Variants in SRSF1 observed in about 807,000 individuals in gnomAD.
The protein encoded by SRSF1 is serine/arginine-rich splicing factor 1.
A neutral mutation model predicts 25.9 loss-of-function variants in SRSF1; 1 was observed. That is an observed-to-expected ratio of 0.04 (90% CI 0.01 to 0.18). The LOEUF (loss-of-function observed/expected upper bound fraction) is 0.18. Among genes scored for constraint, SRSF1 ranks in the 10% least tolerant of loss-of-function variants. The pLI is 1.00. For synonymous variants in SRSF1, 132 were observed against 126.2 expected (o/e 1.05, Z -0.31); for missense variants, 65 against 350.5 (o/e 0.19, Z 6.50).
At position 58,006,927 on chromosome 17, in the gene SRSF1, GC is replaced by G; in HGVS notation, c.194+16del. 6.2e-7 allele frequency: 1 copy of G among 1,613,662 alleles called. No individual in the cohort carries two copies. The highest frequency in any genetic ancestry group is 8.5e-7 in the Non-Finnish European group (1 of 1,179,644). On this transcript the variant is annotated intron_variant, in intron 1 of 3. Transcript: ENST00000258962. Reference sequence around the variant, plus strand: ...CGGACCTATTTCCTCAAGGCTGCAAGCCCCATGCCGCCTCACCGCGGGTCCT... The same window carrying G: ...CGGACCTATTTCCTCAAGGCTGCAAGCCCATGCCGCCTCACCGCGGGTCCT...
At position 58,005,639 on chromosome 17, in the gene SRSF1, C is replaced by T; in HGVS notation, c.553-39G>A. ...AGAACTTTCCATTGAAAGATCTAAG[C>T]TTTCATCTATCTTCAGACATGCTGA... On this transcript the variant is annotated intron_variant, in intron 3 of 3. Transcript: ENST00000258962. This position sits in a 1 kb window ranked among gnomAD's most constrained non-coding sequence, Gnocchi z 5.2. 1.2e-6 allele frequency: 2 copies of T among 1,611,384 alleles called. No individual in the cohort carries two copies. The highest frequency in any genetic ancestry group is 1.1e-5 in the South Asian group (1 of 90,986).
chr17:58,005,252 G>C lies in SRSF1; in HGVS notation c.*154C>G, dbSNP rs1363189872. 7 of 733,522 alleles carry C rather than the reference G, an allele frequency of 9.5e-6. No homozygotes were observed. Among genetic ancestry groups the C allele is most frequent in the Admixed American group, 5.6e-5 (2 of 35,824 alleles). 45.4% of individuals were successfully genotyped at this position (733,522 alleles called of 1,614,324 possible). A position where few individuals can be genotyped will look rare whatever the true frequency, so the allele number is the denominator to read the frequency against. On this transcript the variant is annotated 3_prime_UTR_variant, in exon 4 of 4. Transcript: ENST00000258962. The surrounding 1 kb of genome is among the most constrained non-coding windows in gnomAD (Gnocchi z 5.2). The stretch of plus-strand genomic sequence containing the variant: ...AATTTATCAAAGACACGAAGGGAAT[G>C]TAGATGTTAGGAGCAAGGGGATATT...
downstream of SRSF1, among the ~76,000 whole-genome samples, chr17:57,998,236 T>A (rs925027858): frequency 6.6e-6 from 1 of 152,134 alleles, no homozygotes; most frequent in Non-Finnish European, 1.5e-5. Context: ...AAAATGTGAA[T>A]GTCACTCTTG....
chr17:57,989,965 T>A, the SRSF1 span: 10 of 386,000 alleles, frequency 2.6e-5, no homozygotes, highest in African/African-American at 1.9e-4. Flanking sequence ...ATTCTTCTTA[T>A]TTTCATTCAG....
chr17:58,006,750 C>T, intron 1 of SRSF1, 194 bp downstream of exon 1: 1 of 880,098 alleles, frequency 1.1e-6, no homozygotes. Flanking sequence ...GAATGGGCTC[C>T]GGGGACGTCC....
At chr17:57,990,907 TG>T in the SRSF1 span, 1 of 152,222 alleles carries the variant, frequency 6.6e-6, no homozygotes, top group Admixed American at 6.5e-5. Context: ...CTTCCTCATC[TG>T]GAAAATTAGA....
chr17:57,997,170 T>G (rs1385050012), downstream of SRSF1, among the ~76,000 whole-genome samples: 1 of 152,318 alleles, frequency 6.6e-6, no homozygotes, highest in Non-Finnish European at 1.5e-5. Flanking sequence ...TCAAAACCAC[T>G]TACTTTGGTC....
rs1247443677 is a variant in SRSF1, at chr17:58,003,279, A to G, written c.*2127T>C. ...CCCACCGTCATTTACCAAGTTACAT[A>G]CACAAATGCCTTATTCTCCCCTTTT... On this transcript the variant is annotated 3_prime_UTR_variant, in exon 4 of 4. Coordinates refer to ENST00000258962, the MANE Select transcript of SRSF1 (RefSeq NM_006924.5). 1 of 152,248 alleles carries G rather than the reference A, an allele frequency of 6.6e-6. No individual in the cohort carries two copies. Among genetic ancestry groups the G allele is most frequent in the Non-Finnish European group, 1.5e-5 (1 of 68,034 alleles). 9.4% of individuals were successfully genotyped at this position (152,248 alleles called of 1,614,324 possible). A position where few individuals can be genotyped will look rare whatever the true frequency, so the allele number is the denominator to read the frequency against.
At position 58,006,949 on chromosome 17, in the gene SRSF1, G is replaced by A; in HGVS notation, c.189C>T (p.Asp63=). ...CAAGCCCCATGCCGCCTCACCGCGG[G>A]TCCTCGAACTCAACGAAGGCGAAGG... ...GPPFAFVEFE[D]PRDAEDAVYG... is the part of the protein sequence containing the mutation. The change falls in exon 1 of 4, where the codon GAC becomes GAT. Residue 63 remains aspartate (D), a synonymous_variant. Coordinates refer to ENST00000258962, the MANE Select transcript of SRSF1 (RefSeq NM_006924.5). 1 of 1,614,180 alleles carries A rather than the reference G, an allele frequency of 6.2e-7. No homozygotes were observed.
In SRSF1 at chr17:58,006,427, C is replaced by T. The variant is rs1328597729; in HGVS notation, c.295G>A (p.Gly99Ser). 1.2e-6 allele frequency: 2 copies of T among 1,613,262 alleles called. No homozygotes were observed. The highest frequency in any genetic ancestry group is 1.1e-5 in the South Asian group (1 of 91,082). The change falls in exon 2 of 4, where the codon GGC becomes AGC. Residue 99 changes from glycine (G) to serine (S), a missense_variant. By Grantham distance (56) the Gly-to-Ser change is moderately conservative. Transcript: ENST00000258962. ...GCTCCGCCACCTCCACCCCCGCCGC[C>T]GCCTCGGCCTGTTCCACGGCCGCTT... ...PRSGRGTGRG[G>S]GGGGGGGAPR...
intron 1 of SRSF1, 111 bp from the exon 2 acceptor site, chr17:58,006,638 A>T (rs537973335): frequency 5.5e-6 from 7 of 1,276,942 alleles, no homozygotes; most frequent in Non-Finnish European, 7.5e-6. Context: ...AAGAGCCCAC[A>T]TGCGCCGCAT....
chr17:58,006,740 G>T, intron 1 of SRSF1: 1 of 878,672 alleles, frequency 1.1e-6, no homozygotes, highest in Non-Finnish European at 1.7e-6. Context: ...TCCAGCCTGC[G>T]AATGGGCTCC....
chr17:57,989,299 AAC>A, the SRSF1 span: 2 of 398,622 alleles, frequency 5.0e-6, no homozygotes, highest in Non-Finnish European at 4.4e-6. Context: ...GCTATTATTA[AAC>A]AAGTGTCTCT....
intron 2 of SRSF1, 139 bp downstream of exon 2, chr17:58,006,204 G>C (rs539959628): frequency 2.6e-6 from 3 of 1,159,770 alleles, no homozygotes; most frequent in Non-Finnish European, 3.6e-6. Flanking sequence ...AGCAATCCTC[G>C]TTTATTAAAT....
chr17:58,005,789 T>C lies in SRSF1; in HGVS notation c.552+12A>G. On this transcript the variant is annotated intron_variant, in intron 3 of 3. Transcript: ENST00000258962. The surrounding 1 kb of genome is among the most constrained non-coding windows in gnomAD (Gnocchi z 5.2). ...AATTCTGGTCAAAGAAAAGAATACGTGTATAACCTACCTCATGAGATCTAA... is the reference window on the plus strand; with the variant it reads ...AATTCTGGTCAAAGAAAAGAATACGCGTATAACCTACCTCATGAGATCTAA... The C allele has an allele frequency of 6.2e-7, 1 of 1,614,184 alleles. No individual in the cohort carries two copies. The highest frequency in any genetic ancestry group is 2.2e-5 in the East Asian group (1 of 44,884).
At chr17:57,994,747 T>A in the SRSF1 span, 1 of 152,210 alleles carries the variant, frequency 6.6e-6, no homozygotes, top group African/African-American at 2.4e-5. Context: ...CAGTTCATAA[T>A]TTTAATCATC....
At chr17:57,994,247 CT>C in the SRSF1 span, 1 of 152,186 alleles carries the variant, frequency 6.6e-6, no homozygotes, top group Non-Finnish European at 1.5e-5. Context: ...CATAGCACAT[CT>C]AGTGAAACTG....
At chr17:57,998,774 T>C (rs1346714045), downstream of SRSF1, among the ~76,000 whole-genome samples, 10 of 152,226 alleles carry the variant, frequency 6.6e-5, no homozygotes, top group African/African-American at 2.4e-4. Context: ...TTGATTACTT[T>C]TCCCCCCACA....
chr17:58,007,161 C>G lies in SRSF1; in HGVS notation c.-24G>C, dbSNP rs1462363454. 7 of 1,612,602 alleles carry G rather than the reference C, an allele frequency of 4.3e-6. No individual in the cohort carries two copies. The highest frequency in any genetic ancestry group is 5.9e-6 in the Non-Finnish European group (7 of 1,179,520). ...ATGGCGGTGACGAAAAGCGCGGACT[C>G]GAGAACAGGCCTTCCCACCAAGCCT... On this transcript the variant is annotated 5_prime_UTR_variant, in exon 1 of 4. Coordinates refer to ENST00000258962, the MANE Select transcript of SRSF1 (RefSeq NM_006924.5).
Sources: allele counts gnomAD v4.1 joint callset (sites outside exome capture counted in the v4.1 genomes callset), GRCh38; gene constraint gnomAD v4.1.1; non-coding constraint Gnocchi (gnomAD v3.1); transcripts MANE v1.5; gene names NCBI Gene and HGNC (gene_info 2026-07-23, HGNC 2026-07-21).